The following MYO5C variants were observed in gnomAD, a reference collection of about 807,000 sequenced individuals.
MYO5C encodes unconventional myosin-Vc.
In MYO5C, 194 loss-of-function variants were observed where a neutral mutation model predicts 235.7. The ratio of observed to expected loss-of-function variants is 0.82; its 90% confidence interval spans 0.73 to 0.93. MYO5C has a LOEUF of 0.93. MYO5C is among the 40% of genes least tolerant of loss of function. The pLI is 0.00. For missense variants in MYO5C, 2,038 were observed against 2,127.2 expected, an observed-to-expected ratio of 0.96 and a Z score of 0.82; for synonymous variants, 707 against 754.8, an observed-to-expected ratio of 0.94 and a Z score of 1.04.
intron 23 of MYO5C, among the ~76,000 whole-genome samples, 164 bp from the exon 24 acceptor site, chr15:52,232,849 G>A (rs1169842085): frequency 1.3e-5 from 2 of 152,180 alleles, no homozygotes; most frequent in Admixed American, 6.5e-5. Context: ...AAGAAATAAA[G>A]ATGAGGGGGT....
At chr15:52,256,587 A>ACACACACACACACACG in intron 11 of MYO5C, 52 bp downstream of exon 11, 69 of 567,752 alleles carry the variant, frequency 1.2e-4, no homozygotes, top group African/African-American at 9.2e-4. Flanking sequence ...ACACACACAC[A>ACACACACACACACACG]CGCGCGCGCG....
chr15:52,295,593 C>T lies in MYO5C; in HGVS notation c.27+17G>A, dbSNP rs2037485750. The T allele has an allele frequency of 1.3e-6, 2 of 1,500,116 alleles. No homozygotes were observed. Among genetic ancestry groups the T allele is most frequent in the East Asian group, 3.0e-5 (1 of 33,874 alleles). The allele number at this position is 1,500,116 out of a possible 1,614,324, so 92.9% of individuals were successfully genotyped here. A position where few individuals can be genotyped will look rare whatever the true frequency, so the allele number is the denominator to read the frequency against. The stretch of plus-strand genomic sequence containing the variant: ...GCTCCCCCACAGCGCTCCCAGGAGC[C>T]CAGCGGACCCTCCTACCTGCGTGTA... On this transcript the variant is annotated intron_variant, in intron 1 of 40. Transcript: ENST00000261839.
At chr15:52,269,233 C>A (rs552921553) in intron 8 of MYO5C, among the ~76,000 whole-genome samples, 10 of 152,234 alleles carry the variant, frequency 6.6e-5, no homozygotes, top group Non-Finnish European at 1.3e-4. Flanking sequence ...GCCAGGAAGG[C>A]TGAGGAAAAA....
At chr15:52,273,385 T>C (rs2036967073) in intron 5 of MYO5C, among the ~76,000 whole-genome samples, 2 of 152,182 alleles carry the variant, frequency 1.3e-5, no homozygotes, top group Non-Finnish European at 2.9e-5. Context: ...ATCTGTAATA[T>C]GAGAATCATA....
intron 5 of MYO5C, among the ~76,000 whole-genome samples, chr15:52,273,925 C>T (rs114196200): frequency 7.4e-4 from 113 of 152,228 alleles, no homozygotes; most frequent in African/African-American, 2.6e-3. Context: ...TTATTCCAAT[C>T]CCTACTCCTT....
chr15:52,195,601 A>G, intron 39 of MYO5C, 144 bp from the exon 40 acceptor site: 1 of 475,220 alleles, frequency 2.1e-6, no homozygotes, highest in Non-Finnish European at 3.6e-6. Flanking sequence ...TATGTTACCT[A>G]TTTCCAAGAA....
chr15:52,289,781 G>C (rs1201067720), intron 1 of MYO5C, among the ~76,000 whole-genome samples: 2 of 152,216 alleles, frequency 1.3e-5, no homozygotes, highest in African/African-American at 4.8e-5. Context: ...CCCCACATGG[G>C]TTTTGAGGAA....
rs368963160 is a variant in MYO5C, at chr15:52,286,049, C to T, written c.28-3157G>A. 1.1e-4 allele frequency among the ~76,000 whole-genome samples: 16 copies of T among 152,280 alleles called. No homozygotes were observed. The East Asian group carries it at 2.1e-3, about 20-fold the overall frequency. On this transcript the variant is annotated intron_variant, in intron 1 of 40. Transcript: ENST00000261839. ...GGGGAGCGCCTCTGCCCTGCCGCCC[C>T]GTCTGGGATGTGAGGAGCGTCTCTG...
In MYO5C at chr15:52,213,227, T is replaced by A. The variant is rs778892607; in HGVS notation, c.4102A>T (p.Arg1368Ter). ...KEYLGMLQYK[R>*]EDEAKLIQNL... ...TGAATGAGCTTGGCCTCGTCTTCTC[T>A]CTTGTATTGCAGCATTCCAAGGTAC... The change falls in exon 34 of 41, where the codon AGA becomes TGA. Residue 1368 changes from arginine to a stop codon, truncating the protein, a stop_gained. Coordinates refer to ENST00000261839, the MANE Select transcript of MYO5C (RefSeq NM_018728.4). LOFTEE classifies it high-confidence loss of function. 1 of 1,614,154 alleles carries A rather than the reference T, an allele frequency of 6.2e-7. No individual in the cohort carries two copies. The highest frequency in any genetic ancestry group is 1.1e-5 in the South Asian group (1 of 91,076).
Position 52,275,460 on chromosome 15 carries a change from G to C in MYO5C, c.606+102C>G, listed in dbSNP as rs1019238283. The C allele has an allele frequency of 8.3e-6, 12 of 1,442,420 alleles. No individual in the cohort carries two copies. The East Asian group carries it at 2.5e-4, about 30-fold the overall frequency. 89.4% of individuals were successfully genotyped at this position (1,442,420 alleles called of 1,614,324 possible). On this transcript the variant is annotated intron_variant, in intron 5 of 40. Transcript: ENST00000261839. ...GGTCTTTCCTGCCCTCACTTCTTTA[G>C]TCTTTAAAGGGTGGGAACTTGAATT...
At chr15:52,218,930 C>A (rs2035615034) in intron 31 of MYO5C, among the ~76,000 whole-genome samples, 1 of 152,204 alleles carries the variant, frequency 6.6e-6, no homozygotes, top group Non-Finnish European at 1.5e-5. Context: ...GTTCCATTCT[C>A]CACCCAACCT....
At chr15:52,208,499 G>C in intron 36 of MYO5C, 55 bp downstream of exon 36, 1 of 1,517,910 alleles carries the variant, frequency 6.6e-7, no homozygotes, top group Non-Finnish European at 9.1e-7. Context: ...TGGCTCAGGA[G>C]GAGGTTATAG....
rs557704924 is a variant in MYO5C at position 52,258,417 on chromosome 15, C to A, written c.1314-1697G>T. Among the ~76,000 whole-genome samples the A allele has an allele frequency of 3.3e-5, 5 of 152,276 alleles. No individual in the cohort carries two copies. In the East Asian group the frequency reaches 9.6e-4, roughly 29 times the overall value. ...GAGCTCATTCCCAGGGGTCTGACCC[C>A]CAGACCCAGGTTTTTCCAACTCTGG... On this transcript the variant is annotated intron_variant, in intron 10 of 40. Coordinates refer to ENST00000261839, the MANE Select transcript of MYO5C (RefSeq NM_018728.4).
intron 4 of MYO5C, among the ~76,000 whole-genome samples, 166 bp from the exon 5 acceptor site, chr15:52,275,884 T>C (rs1201587598): frequency 6.6e-6 from 1 of 152,226 alleles, no homozygotes; most frequent in Non-Finnish European, 1.5e-5. Context: ...TATGTGATCG[T>C]GCAGAACACA....
intron 8 of MYO5C, 25 bp from the exon 9 acceptor site, chr15:52,264,321 T>A: frequency 2.6e-6 from 4 of 1,548,988 alleles, no homozygotes; most frequent in Non-Finnish European, 3.6e-6. Flanking sequence ...TTTCCCAGAT[T>A]AGAATACTGC....
intron 39 of MYO5C, 50 bp downstream of exon 39, chr15:52,196,259 C>T (rs758114385): frequency 1.3e-6 from 2 of 1,529,912 alleles, no homozygotes; most frequent in Non-Finnish European, 1.8e-6. Context: ...ATGCCCACTG[C>T]ACTGATGTGT....
chr15:52,222,041 T>C (rs998791325), intron 29 of MYO5C, among the ~76,000 whole-genome samples: 2 of 152,204 alleles, frequency 1.3e-5, no homozygotes, highest in African/African-American at 2.4e-5. Context: ...ATTATAAAAA[T>C]AGGCTTTGTG....
At position 52,282,781 on chromosome 15, in the gene MYO5C, C is replaced by G. The variant is rs199574648; in HGVS notation, c.138+1G>C. ...TAGCTGTGAACAGCAAGGACCCTCA[C>G]CGTTCCATCCTCCAGCAGGAGTCGC... On this transcript the variant is annotated splice_donor_variant, in intron 2 of 40. Coordinates refer to ENST00000261839, the MANE Select transcript of MYO5C (RefSeq NM_018728.4). LOFTEE classifies it high-confidence loss of function. 1.5e-5 allele frequency: 24 copies of G among 1,598,904 alleles called. No homozygotes were observed. Among genetic ancestry groups the G allele is most frequent in the Middle Eastern group, 1.7e-4 (1 of 5,930 alleles).
intron 17 of MYO5C, 113 bp downstream of exon 17, chr15:52,245,843 A>T: frequency 1.1e-6 from 1 of 938,916 alleles, no homozygotes; most frequent in South Asian, 1.5e-5. Flanking sequence ...TCTTGGGGGC[A>T]CTTTACAGAA....
Sources: allele counts gnomAD v4.1 joint callset (sites outside exome capture counted in the v4.1 genomes callset), GRCh38; gene constraint gnomAD v4.1.1; transcripts MANE v1.5; gene names NCBI Gene and HGNC (gene_info 2026-07-23, HGNC 2026-07-21).